The following JAKMIP3 variants were observed in gnomAD, a reference collection of about 807,000 sequenced individuals.
The protein encoded by JAKMIP3 is Janus kinase and microtubule interacting protein 3.
Under a neutral mutation model 118.5 loss-of-function variants are expected in JAKMIP3, and 58 were observed. The ratio of observed to expected loss-of-function variants is 0.49; its 90% CI spans 0.40 to 0.61. The LOEUF is 0.61. JAKMIP3 is among the 20% of genes least tolerant of loss of function. The pLI, the probability that JAKMIP3 is intolerant of heterozygous loss-of-function variation, is 0.00. For missense variants in JAKMIP3, 950 were observed against 1,109.0 expected, an observed-to-expected ratio of 0.86 and a Z score of 2.04; for synonymous variants, 486 against 451.2, an observed-to-expected ratio of 1.08 and a Z score of -0.98.
rs1352737766 is a variant in JAKMIP3, at chr10:132,050,709, A to AT, written c.-138+13977dup. 2.0e-5 allele frequency among the ~76,000 whole-genome samples: 3 copies of AT among 152,072 alleles called. No individual in the cohort carries two copies. The South Asian group carries it at 6.2e-4, about 32-fold the overall frequency. On this transcript the variant is annotated intron_variant, in intron 1 of 23. Transcript: ENST00000657785. ...ATTCCCATACAAGGCACATTTTTTC[A>AT]TTTTTTGTGGAGAACCTTCTAGGGG...
At position 132,118,746 on chromosome 10, in the gene JAKMIP3, T is replaced by A. The variant is rs1424383565; in HGVS notation, c.633+1172T>A. ...TCCCTGTTCCAACCTCCCCTACACC[T>A]CTTCGCCCTGTCCCAAGCCACATAT... On this transcript the variant is annotated intron_variant, in intron 3 of 23. Coordinates refer to ENST00000684848, the MANE Select transcript of JAKMIP3 (RefSeq NM_001323087.2). This position sits in a 1 kb window ranked among gnomAD's most constrained non-coding sequence, Gnocchi z 4.8. 2.6e-5 allele frequency among the ~76,000 whole-genome samples: 4 copies of A among 152,138 alleles called. No homozygotes were observed. Among genetic ancestry groups the A allele is most frequent in the Non-Finnish European group, 5.9e-5 (4 of 68,022 alleles).
rs370890037 is a variant in JAKMIP3 at position 132,140,459 on chromosome 10, T to G, written c.1353T>G (p.Val451=). The G allele has an allele frequency of 2.2e-5, 36 of 1,613,750 alleles. No homozygotes were observed. The highest frequency in any genetic ancestry group is 3.1e-5 in the Non-Finnish European group (36 of 1,179,830). The change falls in exon 10 of 24, where the codon GTT becomes GTG. Residue 451 remains valine (V), a synonymous_variant. Coordinates refer to ENST00000684848, the MANE Select transcript of JAKMIP3 (RefSeq NM_001323087.2). ...CGCATTTTGGTCACAAGCCGGTGGT[T>G]GTGGAGACCTTCTTTGGATACGACG... ...KKMAKLPKPV[V]VETFFGYDEE...
At chr10:132,153,376 C>G (rs1157277384) in intron 17 of JAKMIP3, among the ~76,000 whole-genome samples, 1 of 152,212 alleles carries the variant, frequency 6.6e-6, no homozygotes, top group Admixed American at 6.5e-5. Flanking sequence ...CACCCCTAGC[C>G]CTGACCTGCC....
intron 1 of JAKMIP3, among the ~76,000 whole-genome samples, chr10:132,101,535 G>A (rs1047576818): frequency 1.6e-4 from 25 of 152,156 alleles, no homozygotes; most frequent in African/African-American, 6.0e-4. Flanking sequence ...AAAACTATGG[G>A]AACGACAACT....
intron 2 of JAKMIP3, among the ~76,000 whole-genome samples, chr10:132,105,918 T>A (rs1338859330): frequency 6.6e-6 from 1 of 151,946 alleles, no homozygotes; most frequent in Admixed American, 6.6e-5. Context: ...GGGAGTCGGG[T>A]TATTTGGGGG....
rs1564893118 is a variant in JAKMIP3, at chr10:132,097,968, T to TTC, written c.-137-6704_-137-6703insTC. On this transcript the variant is annotated intron_variant, in intron 1 of 23. Transcript: ENST00000684848. ...CTTTCCCATCCCCTTTCCCTTTCCT[T>TTC]CCTTTTCTCCCCTTCCCCTTCCCCT... is the stretch of plus-strand genomic sequence containing the variant. 2.5e-4 allele frequency among the ~76,000 whole-genome samples: 7 copies of TTC among 28,248 alleles called. 1 individual carries two copies. The highest frequency in any genetic ancestry group is 3.5e-4 in the Admixed American group (1 of 2,826). The allele number at this position is 28,248 out of a possible 152,430, so 18.5% of individuals were successfully genotyped here.
At chr10:132,065,701 C>A (rs75549243), upstream of JAKMIP3, among the ~76,000 whole-genome samples, 1 of 152,118 alleles carries the variant, frequency 6.6e-6, no homozygotes, top group African/African-American at 2.4e-5. The surrounding 1 kb of genome is among the most constrained non-coding windows in gnomAD (Gnocchi z 5.6). Flanking sequence ...TTCGGCCGCC[C>A]GGCCGTGCAG....
intron 19 of JAKMIP3, among the ~76,000 whole-genome samples, chr10:132,159,720 G>A (rs1369271931): frequency 1.7e-5 from 2 of 117,894 alleles, no homozygotes; most frequent in Non-Finnish European, 3.5e-5. Context: ...GTGATGCTGG[G>A]GGCATGTCTT....
At chr10:132,039,789 A>G (rs2037660932) in intron 1 of JAKMIP3, among the ~76,000 whole-genome samples, 1 of 152,166 alleles carries the variant, frequency 6.6e-6, no homozygotes, top group Non-Finnish European at 1.5e-5. Flanking sequence ...CAGCCGCTGT[A>G]TTGACTTGGC....
At chr10:132,083,171 T>C (rs1160869674) in intron 1 of JAKMIP3, among the ~76,000 whole-genome samples, 1 of 152,216 alleles carries the variant, frequency 6.6e-6, no homozygotes, top group African/African-American at 2.4e-5. Flanking sequence ...TGTTCCCTGT[T>C]TACTGTATCC....
intron 1 of JAKMIP3, among the ~76,000 whole-genome samples, chr10:132,078,567 C>T (rs1225196345): frequency 1.3e-5 from 2 of 150,956 alleles, no homozygotes; most frequent in Non-Finnish European, 3.0e-5. Context: ...ATCCCATTCC[C>T]TGCGCATAAC....
intron 3 of JAKMIP3, among the ~76,000 whole-genome samples, chr10:132,127,445 G>T (rs1319596768): frequency 6.6e-6 from 1 of 151,506 alleles, no homozygotes; most frequent in Non-Finnish European, 1.5e-5. Context: ...AGTAGAGACG[G>T]GGTTTCACCA....
chr10:132,094,099 G>A (rs1220900225), intron 1 of JAKMIP3, among the ~76,000 whole-genome samples: 3 of 151,778 alleles, frequency 2.0e-5, no homozygotes, highest in Admixed American at 6.6e-5. Context: ...CACCATGCCC[G>A]GCTAATTTTT....
chr10:132,137,128 A>T lies in JAKMIP3; in HGVS notation c.1226A>T (p.Asn409Ile). 1.2e-6 allele frequency: 2 copies of T among 1,613,748 alleles called. No homozygotes were observed. The highest frequency in any genetic ancestry group is 1.7e-6 in the Non-Finnish European group (2 of 1,179,826). Residue 409 changes from asparagine (N) to isoleucine (I), a missense_variant, in exon 7 of 24, where the codon AAC becomes ATC. By Grantham distance (149) the Asn-to-Ile change is moderately radical. Transcript: ENST00000684848. ...FLKLQIVEQQNLIDELSKTLE... is the reference protein window; with the variant it reads ...FLKLQIVEQQILIDELSKTLE... ...AAGCTTCAGATTGTGGAGCAGCAAA[A>T]CCTCATAGATGAACTGTCTAAGGTA...
chr10:132,081,312 C>T (rs1449081714), intron 1 of JAKMIP3, among the ~76,000 whole-genome samples: 1 of 152,154 alleles, frequency 6.6e-6, no homozygotes, highest in Non-Finnish European at 1.5e-5. Flanking sequence ...ATGTTTGCTT[C>T]TATAAGATTA....
At chr10:132,081,357 T>C (rs2041739037) in intron 1 of JAKMIP3, among the ~76,000 whole-genome samples, 1 of 152,222 alleles carries the variant, frequency 6.6e-6, no homozygotes, top group Non-Finnish European at 1.5e-5. Flanking sequence ...CTGCAATCCA[T>C]TGGAAAATGA....
At chr10:132,148,509 T>TCCTCCATCCGC (rs2055144633) in intron 14 of JAKMIP3, among the ~76,000 whole-genome samples, 1 of 105,412 alleles carries the variant, frequency 9.5e-6, no homozygotes, top group Admixed American at 8.3e-5. Context: ...GGCACGTCCG[T>TCCTCCATCCGC]CCTCCATCCG....
chr10:132,140,411 G>A (rs754162331), intron 9 of JAKMIP3, 40 bp from the exon 10 acceptor site: 1 of 1,611,358 alleles, frequency 6.2e-7, no homozygotes, highest in East Asian at 2.2e-5. Context: ...GGCTGTGCCT[G>A]GGTCTGGTTT....
intron 1 of JAKMIP3, among the ~76,000 whole-genome samples, chr10:132,072,652 T>C (rs2040145830): frequency 6.6e-6 from 1 of 152,238 alleles, no homozygotes; most frequent in South Asian, 2.1e-4. Flanking sequence ...CTTTCTGCTA[T>C]TTATTTTCTG....
Sources: gnomAD v4.1 joint callset for allele counts (sites outside exome capture counted in the v4.1 genomes callset) on GRCh38, gnomAD v4.1.1 for gene constraint, Gnocchi (gnomAD v3.1) non-coding constraint, MANE v1.5 for transcripts, NCBI Gene and HGNC (gene_info 2026-07-23, HGNC 2026-07-21) for gene names.